SH3PXD2B: variants seen among roughly 807,000 people sequenced by gnomAD.
SH3PXD2B encodes SH3 and PX domain-containing protein 2B.
In SH3PXD2B, 37 loss-of-function variants were observed where a neutral mutation model predicts 73.1. The observed-to-expected ratio is 0.51, with a 90% CI of 0.39 to 0.67. The LOEUF (loss-of-function observed/expected upper bound fraction) is 0.67. Among genes scored for constraint, SH3PXD2B ranks in the 30% least tolerant of loss-of-function variants. SH3PXD2B has a pLI of 0.00. For synonymous variants in SH3PXD2B, 457 were observed against 480.5 expected (o/e 0.95, Z 0.64); for missense variants, 1,053 against 1,197.8 (o/e 0.88, Z 1.78).
rs1333775570 is a variant in SH3PXD2B, at chr5:172,334,700, G to A, written c.*3669C>T. 1.0e-6 allele frequency: 1 copy of A among 985,424 alleles called. No homozygotes were observed. Among genetic ancestry groups the A allele is most frequent in the African/African-American group, 1.7e-5 (1 of 57,258 alleles). The allele number at this position is 985,424 out of a possible 1,614,324, so 61.0% of individuals were successfully genotyped here. On this transcript the variant is annotated 3_prime_UTR_variant, in exon 13 of 13. Coordinates refer to ENST00000311601, the MANE Select transcript of SH3PXD2B (RefSeq NM_001017995.3). ...TCAAGTTGCCAGCTACTGGAAGGCA[G>A]GAGCAGTTTCTTCTTTTTCCCACTC...
chr5:172,396,377 CAA>C (rs1241312065), intron 3 of SH3PXD2B, among the ~76,000 whole-genome samples: 4 of 135,526 alleles, frequency 3.0e-5, no homozygotes, highest in Non-Finnish European at 3.2e-5. Flanking sequence ...GACTCCGTCT[CAA>C]AAAAAAAAAG....
At chr5:172,346,403 A>C in intron 11 of SH3PXD2B, 142 bp from the exon 12 acceptor site, 1 of 1,283,474 alleles carries the variant, frequency 7.8e-7, no homozygotes, top group Non-Finnish European at 1.1e-6. Flanking sequence ...GGACAACACA[A>C]ATAGGACCAC....
At chr5:172,439,702 A>ACGCACACG (rs778473286) in intron 1 of SH3PXD2B, among the ~76,000 whole-genome samples, 1 of 142,498 alleles carries the variant, frequency 7.0e-6, no homozygotes, top group Non-Finnish European at 1.5e-5. Context: ...GCACACACAC[A>ACGCACACG]CACACACACA....
intron 4 of SH3PXD2B, among the ~76,000 whole-genome samples, chr5:172,390,818 TGTGTG>T (rs1561919116): frequency 9.4e-5 from 2 of 21,344 alleles, no homozygotes; most frequent in Non-Finnish European, 2.6e-4. Context: ...CCGTCTTTTG[TGTGTG>T]TGTGTGTGTG....
intron 1 of SH3PXD2B, among the ~76,000 whole-genome samples, chr5:172,437,120 G>C (rs1272475660): frequency 6.6e-6 from 1 of 152,180 alleles, no homozygotes; most frequent in Non-Finnish European, 1.5e-5. Flanking sequence ...AGGTGGATAA[G>C]TATGGTCCTC....
At chr5:172,439,679 C>CGCGT (rs1561583870) in intron 1 of SH3PXD2B, among the ~76,000 whole-genome samples, 1 of 92,690 alleles carries the variant, frequency 1.1e-5, no homozygotes, top group Non-Finnish European at 2.0e-5. Flanking sequence ...TGCGTGCGTG[C>CGCGT]GCGCACGCGC....
chr5:172,331,850 G>A (rs182928552), downstream of SH3PXD2B, among the ~76,000 whole-genome samples: 659 of 152,312 alleles, frequency 4.3e-3, 5 homozygotes, highest in African/African-American at 0.015. Flanking sequence ...GGAGGCTGAG[G>A]TACAAGAATC....
rs974561558 is a variant in SH3PXD2B at position 172,334,219 on chromosome 5, G to A, written c.*4150C>T. 6 of 1,093,514 alleles carry A rather than the reference G, an allele frequency of 5.5e-6. No homozygotes were observed. In the African/African-American group the frequency reaches 1.0e-4, roughly 19 times the overall value. 67.7% of individuals were successfully genotyped at this position (1,093,514 alleles called of 1,614,324 possible). ...CAGAAACCAGATGCCACCCCACGGAGCTGGGCAGTCCAGTCTGTAGAAAGG... is the reference window on the plus strand; with the variant it reads ...CAGAAACCAGATGCCACCCCACGGAACTGGGCAGTCCAGTCTGTAGAAAGG... On this transcript the variant is annotated 3_prime_UTR_variant, in exon 13 of 13. Coordinates refer to ENST00000311601, the MANE Select transcript of SH3PXD2B (RefSeq NM_001017995.3).
At chr5:172,426,872 C>T (rs576947168) in intron 1 of SH3PXD2B, among the ~76,000 whole-genome samples, 1 of 152,330 alleles carries the variant, frequency 6.6e-6, no homozygotes, top group South Asian at 2.1e-4. Flanking sequence ...TGGATCCAGC[C>T]TGAATCCGGG....
intron 8 of SH3PXD2B, among the ~76,000 whole-genome samples, chr5:172,357,301 G>A (rs953545699): frequency 1.7e-4 from 26 of 151,396 alleles, no homozygotes; most frequent in Non-Finnish European, 3.4e-4. Flanking sequence ...GTGCATGCCT[G>A]TAATCTCAGC....
chr5:172,394,287 A>G (rs530636304), intron 4 of SH3PXD2B, among the ~76,000 whole-genome samples: 3 of 152,348 alleles, frequency 2.0e-5, no homozygotes, highest in Middle Eastern at 3.4e-3. Context: ...CATAATAATT[A>G]TGGCAAAAGA....
chr5:172,333,772 G>A lies in SH3PXD2B; in HGVS notation c.*4597C>T. The A allele has an allele frequency of 7.8e-7, 1 of 1,289,200 alleles. No homozygotes were observed. The highest frequency in any genetic ancestry group is 1.0e-6 in the Non-Finnish European group (1 of 988,770). 79.9% of individuals were successfully genotyped at this position (1,289,200 alleles called of 1,614,324 possible). A position where few individuals can be genotyped will look rare whatever the true frequency, so the allele number is the denominator to read the frequency against. ...GTGGTGGGCAGTGCCCACTGTTCCTGGAGGGAGGTAAGAAATGGCCTGTTA... is the reference window on the plus strand; with the variant it reads ...GTGGTGGGCAGTGCCCACTGTTCCTAGAGGGAGGTAAGAAATGGCCTGTTA... On this transcript the variant is annotated 3_prime_UTR_variant, in exon 13 of 13. Coordinates refer to ENST00000311601, the MANE Select transcript of SH3PXD2B (RefSeq NM_001017995.3).
intron 1 of SH3PXD2B, among the ~76,000 whole-genome samples, chr5:172,439,238 G>GAAAAAAAAAAAAAAAAAAAAAAAAAAAAA (rs922645535): frequency 6.0e-5 from 2 of 33,222 alleles, no homozygotes; most frequent in Admixed American, 2.2e-4. Context: ...AGAAAAAACA[G>GAAAAAAAAAAAAAAAAAAAAAAAAAAAAA]AAAAAAAAAA....
At chr5:172,439,251 G>GA (rs1240619268) in intron 1 of SH3PXD2B, among the ~76,000 whole-genome samples, 1,967 of 35,210 alleles carry the variant, frequency 0.056, 103 homozygotes, top group African/African-American at 0.18. Context: ...AAAAAAAAAA[G>GA]AAAAAAAAAA....
chr5:172,344,517 G>C (rs1480422169), intron 12 of SH3PXD2B, among the ~76,000 whole-genome samples: 1 of 150,582 alleles, frequency 6.6e-6, no homozygotes, highest in African/African-American at 2.4e-5. Context: ...GAACCTGGGA[G>C]GCGGAGGTTG....
chr5:172,381,061 C>T (rs1463254959), intron 5 of SH3PXD2B, among the ~76,000 whole-genome samples: 5 of 152,208 alleles, frequency 3.3e-5, no homozygotes, highest in African/African-American at 1.2e-4. Flanking sequence ...TTTGTGATTC[C>T]AGCAGATCAT....
At chr5:172,399,389 A>G (rs1758379486) in intron 3 of SH3PXD2B, among the ~76,000 whole-genome samples, 1 of 152,198 alleles carries the variant, frequency 6.6e-6, no homozygotes. Context: ...TGCTATAAAT[A>G]CTGCCTTACA....
In SH3PXD2B at chr5:172,422,494, G is replaced by C; in HGVS notation, c.78C>G (p.Val26=). The C allele has an allele frequency of 6.2e-7, 1 of 1,611,312 alleles. No homozygotes were observed. The highest frequency in any genetic ancestry group is 8.5e-7 in the Non-Finnish European group (1 of 1,179,406). Residue 26 remains valine (V), a splice_region_variant and synonymous_variant, in exon 2 of 13, where the codon GTC becomes GTG. Coordinates refer to ENST00000311601, the MANE Select transcript of SH3PXD2B (RefSeq NM_001017995.3). ...TGGACCACGTGACCCGGATGATGTA[G>C]ACCTGCGGGAGCAACAGAGGAGATG... is the stretch of plus-strand genomic sequence containing the variant. The part of the protein sequence containing the change: ...QKRRVPNKHY[V]YIIRVTWSSG...
In SH3PXD2B at chr5:172,454,268, C is replaced by T; in HGVS notation, c.75+10G>A. On this transcript the variant is annotated intron_variant, in intron 1 of 12. Coordinates refer to ENST00000311601, the MANE Select transcript of SH3PXD2B (RefSeq NM_001017995.3). ...GGCTCAAGGGGGCGTGGGGGCCGCG[C>T]CGCACTCACATAATGCTTGTTGGGC... 6.3e-7 allele frequency: 1 copy of T among 1,595,226 alleles called. No individual in the cohort carries two copies. Among genetic ancestry groups the T allele is most frequent in the Non-Finnish European group, 8.5e-7 (1 of 1,174,318 alleles).
Sources: gnomAD v4.1 joint callset for allele counts (sites outside exome capture counted in the v4.1 genomes callset) on GRCh38, gnomAD v4.1.1 for gene constraint, MANE v1.5 for transcripts, NCBI Gene and HGNC (gene_info 2026-07-23, HGNC 2026-07-21) for gene names.